Variants in CCDC81 observed in about 807,000 individuals in gnomAD.
CCDC81 encodes the protein coiled-coil domain containing 81, also known as coiled-coil domain-containing protein 81.
In CCDC81, 79 loss-of-function variants were observed where a neutral mutation model predicts 83.7. That is an observed-to-expected ratio of 0.94 (90% confidence interval 0.79 to 1.14). The LOEUF (loss-of-function observed/expected upper bound fraction) is 1.14, where lower values mean the gene tolerates loss of function less well. Ranked by LOEUF, CCDC81 falls within the 50% of genes most tolerant of loss-of-function variation. CCDC81 has a pLI of 0.00. For synonymous variants in CCDC81, 252 were observed against 278.1 expected, an observed-to-expected ratio of 0.91 and a Z score of 0.93; for missense variants, 791 against 778.1, an observed-to-expected ratio of 1.02 and a Z score of -0.20.
rs34548401 is a variant in CCDC81 at position 86,380,042 on chromosome 11, CTT to C, written c.79+4814_79+4815del. On this transcript the variant is annotated intron_variant, in intron 1 of 14. Coordinates refer to ENST00000445632, the MANE Select transcript of CCDC81 (RefSeq NM_001156474.2). ...CTTATTCCTTCTTCGATGGTCTTCCCTTTTTTTTTTTTTTTAAATGCAGATCC... is the reference window on the plus strand; with the variant it reads ...CTTATTCCTTCTTCGATGGTCTTCCCTTTTTTTTTTTTTAAATGCAGATCC... 9.2e-3 allele frequency among the ~76,000 whole-genome samples: 1,337 copies of C among 144,560 alleles called. 4 individuals carry two copies. Among genetic ancestry groups the C allele is most frequent in the Non-Finnish European group, 0.011 (693 of 65,692 alleles). 94.8% of individuals were successfully genotyped at this position (144,560 alleles called of 152,430 possible). A position where few individuals can be genotyped will look rare whatever the true frequency, so the allele number is the denominator to read the frequency against.
At chr11:86,400,576 A>G in intron 6 of CCDC81, 102 bp from the exon 7 acceptor site, 1 of 1,161,966 alleles carries the variant, frequency 8.6e-7, no homozygotes, top group Non-Finnish European at 1.2e-6. Context: ...TTTAAAGATA[A>G]GAGAGTGTAT....
rs1593927075 is a variant in CCDC81, at chr11:86,402,109, T to C, written c.881+1308T>C. Among the ~76,000 whole-genome samples the C allele has an allele frequency of 1.4e-4, 17 of 121,436 alleles. 2 individuals are homozygous for C. The South Asian group carries it at 4.5e-3, about 32-fold the overall frequency. 79.7% of individuals were successfully genotyped at this position (121,436 alleles called of 152,430 possible). ...AAGATAGTGCCACTGCTCTCTAGCC[T>C]GGGTGACAGAGCAAGACTCTGTCTC... On this transcript the variant is annotated intron_variant, in intron 7 of 14. Coordinates refer to ENST00000445632, the MANE Select transcript of CCDC81 (RefSeq NM_001156474.2).
intron 11 of CCDC81, among the ~76,000 whole-genome samples, chr11:86,413,029 T>C (rs1593939280): frequency 6.6e-6 from 1 of 152,296 alleles, no homozygotes; most frequent in East Asian, 1.9e-4. Context: ...GGATCACATG[T>C]GGGCTTGGAG....
chr11:86,385,173 A>G (rs1439502998), intron 1 of CCDC81, among the ~76,000 whole-genome samples: 1 of 152,200 alleles, frequency 6.6e-6, no homozygotes, highest in South Asian at 2.1e-4. Context: ...GGATCACCTG[A>G]GGTCAGGAGT....
At chr11:86,398,059 T>C (rs778040208) in intron 6 of CCDC81, among the ~76,000 whole-genome samples, 16 of 152,082 alleles carry the variant, frequency 1.1e-4, no homozygotes, top group Non-Finnish European at 2.2e-4. Context: ...GGTCTCAAAC[T>C]CCTGGCCTGA....
chr11:86,397,025 G>A (rs142440581), intron 5 of CCDC81, among the ~76,000 whole-genome samples: 1 of 152,126 alleles, frequency 6.6e-6, no homozygotes, highest in African/African-American at 2.4e-5. Context: ...ATTGACTGAA[G>A]GTACCCCCAC....
In CCDC81 at chr11:86,411,420, A is replaced by G. The variant is rs117065473; in HGVS notation, c.1219-967A>G. 1.0e-3 allele frequency among the ~76,000 whole-genome samples: 156 copies of G among 152,288 alleles called. 6 individuals are homozygous for G. In the East Asian group the frequency reaches 0.025, roughly 25 times the overall value. On this transcript the variant is annotated intron_variant, in intron 10 of 14. Coordinates refer to ENST00000445632, the MANE Select transcript of CCDC81 (RefSeq NM_001156474.2). The stretch of plus-strand genomic sequence containing the variant: ...TTCCCACCCAGCCACTTGCTATCAT[A>G]AGGGCTTCCTAGCACTTAGCACTAT...
chr11:86,416,585 G>C (rs1412552447), intron 13 of CCDC81, among the ~76,000 whole-genome samples: 3 of 148,086 alleles, frequency 2.0e-5, no homozygotes, highest in Non-Finnish European at 4.6e-5. Context: ...AATCACATCT[G>C]CCCCTCCTAA....
At chr11:86,409,465 T>C in intron 10 of CCDC81, 100 bp downstream of exon 10, 2 of 526,804 alleles carry the variant, frequency 3.8e-6, no homozygotes, top group Non-Finnish European at 6.5e-6. Context: ...TTTATTTTTA[T>C]TTTTTGAGAT....
At chr11:86,392,012 A>G (rs1948337432) in intron 3 of CCDC81, among the ~76,000 whole-genome samples, 1 of 152,324 alleles carries the variant, frequency 6.6e-6, no homozygotes, top group South Asian at 2.1e-4. Context: ...ACTCATTATC[A>G]TGAGGACAGC....
At chr11:86,407,761 AAG>A in intron 8 of CCDC81, 60 bp downstream of exon 8, 8 of 1,294,966 alleles carry the variant, frequency 6.2e-6, no homozygotes, top group Non-Finnish European at 8.8e-6. Context: ...TTGTTTCTCA[AAG>A]AGAGTTCTGG....
chr11:86,389,679 C>T (rs1010040783), intron 3 of CCDC81, among the ~76,000 whole-genome samples: 1 of 152,158 alleles, frequency 6.6e-6, no homozygotes, highest in African/African-American at 2.4e-5. Flanking sequence ...CCACCAGGCC[C>T]CTCCTCCAAT....
intron 1 of CCDC81, among the ~76,000 whole-genome samples, chr11:86,384,118 G>A (rs182858145): frequency 1.5e-3 from 236 of 152,296 alleles, no homozygotes; most frequent in African/African-American, 5.4e-3. Flanking sequence ...GCTTTTAGAG[G>A]TGAAAGACTG....
chr11:86,422,518 T>C, intron 14 of CCDC81, 56 bp from the exon 15 acceptor site: 1 of 1,559,792 alleles, frequency 6.4e-7, no homozygotes, highest in Non-Finnish European at 8.8e-7. Flanking sequence ...GCTTCCAAGT[T>C]GGGCCTCCAG....
chr11:86,422,675 C>CCA lies in CCDC81; in HGVS notation c.1920_1921insAC (p.Leu641ThrfsTer2). 6.2e-7 allele frequency: 1 copy of CCA among 1,614,108 alleles called. No homozygotes were observed. The highest frequency in any genetic ancestry group is 2.2e-5 in the East Asian group (1 of 44,890). On this transcript the variant is annotated frameshift_variant, in exon 15 of 15. Coordinates refer to ENST00000445632, the MANE Select transcript of CCDC81 (RefSeq NM_001156474.2). LOFTEE classifies it high-confidence loss of function. ...AACGTGGGCGAGAGCAACCTGTGGC[C>CCA]CCTGAACAAGTTCCTGCCTGGCTCC... is the stretch of plus-strand genomic sequence containing the variant.
Position 86,407,628 on chromosome 11 carries a change from G to T in CCDC81, c.896G>T (p.Ser299Ile). ...TGTTTTTATAGCTTATCATATCCAA[G>T]TTGTCTGAAACACGACAGTGAGATG... Reference protein sequence around the residue: ...IMTPESLSYPSCLKHDSEMKP... With the variant: ...IMTPESLSYPICLKHDSEMKP... Residue 299 changes from serine (S) to isoleucine (I), a missense_variant, in exon 8 of 15, where the codon AGT becomes ATT. Physicochemically the swap from Ser to Ile is moderately radical, Grantham distance 142. Coordinates refer to ENST00000445632, the MANE Select transcript of CCDC81 (RefSeq NM_001156474.2). 1 of 1,612,510 alleles carries T rather than the reference G, an allele frequency of 6.2e-7. No homozygotes were observed.
At position 86,375,032 on chromosome 11, in the gene CCDC81, C is replaced by T; in HGVS notation, c.-132C>T. 1 of 805,792 alleles carries T rather than the reference C, an allele frequency of 1.2e-6. No homozygotes were observed. Among genetic ancestry groups the T allele is most frequent in the Non-Finnish European group, 2.2e-6 (1 of 459,670 alleles). The allele number at this position is 805,792 out of a possible 1,614,324, so 49.9% of individuals were successfully genotyped here. On this transcript the variant is annotated 5_prime_UTR_variant, in exon 1 of 15. Transcript: ENST00000445632. ...CAAGAAGTTCAAGATTTTCGTCACT[C>T]TTATTTTTAAGGCACATCCAAAGCT...
At chr11:86,409,684 C>T (rs1042432380) in intron 10 of CCDC81, among the ~76,000 whole-genome samples, 2 of 152,202 alleles carry the variant, frequency 1.3e-5, no homozygotes, top group African/African-American at 4.8e-5. Context: ...CTCCTGGTCT[C>T]ATGATCTGCC....
At chr11:86,378,997 T>A (rs868124131) in intron 1 of CCDC81, among the ~76,000 whole-genome samples, 28 of 152,188 alleles carry the variant, frequency 1.8e-4, no homozygotes, top group African/African-American at 6.5e-4. Flanking sequence ...ACCTACCATA[T>A]TTGTTATTGT....
Sources: gnomAD v4.1 joint callset for allele counts (sites outside exome capture counted in the v4.1 genomes callset) on GRCh38, gnomAD v4.1.1 for gene constraint, MANE v1.5 for transcripts, NCBI Gene and HGNC (gene_info 2026-07-23, HGNC 2026-07-21) for gene names.